DUSP19: variants seen among roughly 807,000 people sequenced by gnomAD.
DUSP19 encodes dual specificity protein phosphatase 19.
Under a neutral mutation model 16.6 loss-of-function variants are expected in DUSP19, and 14 were observed. The ratio of observed to expected loss-of-function variants is 0.84; its 90% confidence interval spans 0.56 to 1.32. The LOEUF (loss-of-function observed/expected upper bound fraction) is 1.32. Among genes scored for constraint, DUSP19 ranks in the 40% most tolerant of loss-of-function variants. The pLI is 0.00. For synonymous variants in DUSP19, 81 were observed against 90.5 expected (o/e 0.90, Z 0.59); for missense variants, 258 against 255.9 (o/e 1.01, Z -0.06).
At chr2:183,093,603 G>T (rs1024535386) in intron 3 of DUSP19, among the ~76,000 whole-genome samples, 2 of 152,058 alleles carry the variant, frequency 1.3e-5, no homozygotes, top group African/African-American at 4.8e-5. Flanking sequence ...TGATACCTAA[G>T]GAATAATCAA....
intron 2 of DUSP19, among the ~76,000 whole-genome samples, chr2:183,084,367 C>T (rs1699633412): frequency 6.6e-6 from 1 of 151,256 alleles, no homozygotes; most frequent in African/African-American, 2.4e-5. Context: ...TTCGAGGTTA[C>T]AGTGTGCTAT....
At chr2:183,088,178 T>A (rs1479270808) in intron 3 of DUSP19, among the ~76,000 whole-genome samples, 1 of 152,168 alleles carries the variant, frequency 6.6e-6, no homozygotes, top group Non-Finnish European at 1.5e-5. Context: ...TGTGTTACTG[T>A]TGCCTACAAG....
chr2:183,085,859 T>TG (rs1559128279), intron 2 of DUSP19, among the ~76,000 whole-genome samples: 3 of 116,448 alleles, frequency 2.6e-5, no homozygotes, highest in African/African-American at 6.4e-5. Flanking sequence ...TTTTTTTTTT[T>TG]TTTTTTTTTT....
At position 183,087,063 on chromosome 2, in the gene DUSP19, A is replaced by G. The variant is rs1699672016; in HGVS notation, c.297A>G (p.Ala99=). ...KNKVTHILNV[A]YGVENAFLSD... The stretch of plus-strand genomic sequence containing the variant: ...AGGTGACTCATATTCTTAATGTTGC[A>G]TATGGAGTTGAAAATGCTTTCCTCA... The change falls in exon 3 of 4, where the codon GCA becomes GCG. Residue 99 remains alanine (A), a synonymous_variant. Transcript: ENST00000354221. 1.2e-6 allele frequency: 2 copies of G among 1,612,164 alleles called. No individual in the cohort carries two copies. Among genetic ancestry groups the G allele is most frequent in the African/African-American group, 1.3e-5 (1 of 75,008 alleles).
rs1317853726 is a variant in DUSP19, at chr2:183,099,913, C to G, written c.*4255C>G. ...TTAGGAGGCTGAGGTAGGAGAATTG[C>G]TTGACCCTGGGAGGTGGAGGTGGCA... On this transcript the variant is annotated 3_prime_UTR_variant, in exon 4 of 4. Transcript: ENST00000354221. 1.3e-5 allele frequency: 2 copies of G among 151,230 alleles called. No individual in the cohort carries two copies. The highest frequency in any genetic ancestry group is 4.9e-5 in the African/African-American group (2 of 41,078). The allele number at this position is 151,230 out of a possible 1,614,324, so 9.4% of individuals were successfully genotyped here. A position where few individuals can be genotyped will look rare whatever the true frequency, so the allele number is the denominator to read the frequency against.
chr2:183,095,295 C>A (rs1699783146), intron 3 of DUSP19, 136 bp from the exon 4 acceptor site: 3 of 740,250 alleles, frequency 4.1e-6, no homozygotes, highest in African/African-American at 1.8e-5. Flanking sequence ...TTTCAATAAT[C>A]AAATAAATTG....
At chr2:183,085,113 G>A (rs1167203609) in intron 2 of DUSP19, among the ~76,000 whole-genome samples, 3 of 152,198 alleles carry the variant, frequency 2.0e-5, no homozygotes, top group Non-Finnish European at 4.4e-5. Context: ...GGGTGGATAT[G>A]TAGGGTCTGA....
At chr2:183,079,184 AT>A (rs1257807426) in intron 1 of DUSP19, 25 bp downstream of exon 1, 1 of 1,597,242 alleles carries the variant, frequency 6.3e-7, no homozygotes, top group Admixed American at 1.7e-5. Context: ...TTGCCACTAG[AT>A]CATTGAGTCC....
rs915371459 is a variant in DUSP19, at chr2:183,096,112, C to T, written c.*454C>T. On this transcript the variant is annotated 3_prime_UTR_variant, in exon 4 of 4. Coordinates refer to ENST00000354221, the MANE Select transcript of DUSP19 (RefSeq NM_080876.4). ...TCTTTTTAAGATTAAAAATGAATAC[C>T]TTAAATCTCCCAAAAGAGATAACCA... is the stretch of plus-strand genomic sequence containing the variant. 1 of 152,188 alleles carries T rather than the reference C, an allele frequency of 6.6e-6. No individual in the cohort carries two copies. Among genetic ancestry groups the T allele is most frequent in the Non-Finnish European group, 1.5e-5 (1 of 68,178 alleles). 9.4% of individuals were successfully genotyped at this position (152,188 alleles called of 1,614,324 possible). A position where few individuals can be genotyped will look rare whatever the true frequency, so the allele number is the denominator to read the frequency against.
rs1221305685 is a variant in DUSP19 at position 183,098,204 on chromosome 2, A to C, written c.*2546A>C. 6.6e-6 allele frequency: 1 copy of C among 152,076 alleles called. No homozygotes were observed. The highest frequency in any genetic ancestry group is 1.5e-5 in the Non-Finnish European group (1 of 68,008). 9.4% of individuals were successfully genotyped at this position (152,076 alleles called of 1,614,324 possible). A position where few individuals can be genotyped will look rare whatever the true frequency, so the allele number is the denominator to read the frequency against. ...CCACTACACCTGGCCTGGATTGTGT[A>C]TTATTTATGTCTGTAGTTTATATGC... On this transcript the variant is annotated 3_prime_UTR_variant, in exon 4 of 4. Coordinates refer to ENST00000354221, the MANE Select transcript of DUSP19 (RefSeq NM_080876.4).
rs1201105419 is a variant in DUSP19 at position 183,088,372 on chromosome 2, GT to G, written c.426+1188del. On this transcript the variant is annotated intron_variant, in intron 3 of 3. Transcript: ENST00000354221. ...TATTTGGATGGAAGCAAAGGAAGAG[GT>G]TTTTTTTGTTTTTTGTTTTTTGTGT... Among the ~76,000 whole-genome samples the G allele has an allele frequency of 8.3e-3, 1,220 of 146,198 alleles. 18 individuals are homozygous for G. Among genetic ancestry groups the G allele is most frequent in the African/African-American group, 0.029 (1,138 of 39,754 alleles).
At chr2:183,083,737 T>C (rs545599691) in intron 2 of DUSP19, among the ~76,000 whole-genome samples, 183 bp downstream of exon 2, 15 of 152,304 alleles carry the variant, frequency 9.8e-5, no homozygotes, top group African/African-American at 3.6e-4. Flanking sequence ...CTGTAATCTG[T>C]CTTTCCAGTT....
At chr2:183,088,373 T>C (rs75393963) in intron 3 of DUSP19, among the ~76,000 whole-genome samples, 2,692 of 148,928 alleles carry the variant, frequency 0.018, 30 homozygotes, top group Non-Finnish European at 0.028. Flanking sequence ...AAGGAAGAGG[T>C]TTTTTTTGTT....
chr2:183,085,838 G>C (rs1021840626), intron 2 of DUSP19, among the ~76,000 whole-genome samples: 3 of 132,846 alleles, frequency 2.3e-5, no homozygotes, highest in African/African-American at 8.0e-5. Flanking sequence ...ATGTGGACAA[G>C]GTTGTTAGGT....
intron 1 of DUSP19, among the ~76,000 whole-genome samples, chr2:183,081,916 C>T (rs1699596752): frequency 6.6e-6 from 1 of 151,964 alleles, no homozygotes; most frequent in African/African-American, 2.4e-5. Context: ...TGAAATAGAA[C>T]CTAATTCAGG....
At position 183,079,127 on chromosome 2, in the gene DUSP19, A is replaced by G; in HGVS notation, c.194A>G (p.Gln65Arg). 2.5e-6 allele frequency: 4 copies of G among 1,613,994 alleles called. No individual in the cohort carries two copies. Among genetic ancestry groups the G allele is most frequent in the Non-Finnish European group, 2.5e-6 (3 of 1,179,960 alleles). The change falls in exon 1 of 4, where the codon CAA becomes CGA. Residue 65 changes from glutamine to arginine, a missense_variant. Transcript: ENST00000354221. Reference sequence around the variant, plus strand: ...GTGCAGGACCTTAGCTCGGACCTGCAAGTTGGCGTTATTAAGCCATGGTTG... The same window carrying G: ...GTGCAGGACCTTAGCTCGGACCTGCGAGTTGGCGTTATTAAGCCATGGTTG... ...GYVQDLSSDL[Q>R]VGVIKPWLLL...
chr2:183,083,509 G>A lies in DUSP19; in HGVS notation c.228G>A (p.Gly76=), dbSNP rs1179738826. The stretch of plus-strand genomic sequence containing the variant: ...GGTGGTATCATTTATTTCTTCTAGG[G>A]TCACAAGATGCTGCTCATGATTTGG... ...VGVIKPWLLL[G]SQDAAHDLDT... is the part of the protein sequence containing the mutation. The change falls in exon 2 of 4, where the codon GGG becomes GGA. Residue 76 remains glycine, a splice_region_variant and synonymous_variant. Coordinates refer to ENST00000354221, the MANE Select transcript of DUSP19 (RefSeq NM_080876.4). The A allele has an allele frequency of 1.9e-6, 3 of 1,609,532 alleles. No homozygotes were observed. In the African/African-American group the frequency reaches 4.0e-5, roughly 22 times the overall value.
Position 183,095,428 on chromosome 2 carries a change from T to G in DUSP19, c.427-3T>G, listed in dbSNP as rs775622751. On this transcript the variant is annotated splice_polypyrimidine_tract_variant and splice_region_variant and intron_variant, in intron 3 of 3. Coordinates refer to ENST00000354221, the MANE Select transcript of DUSP19 (RefSeq NM_080876.4). ...AGATTTTTGTTTGTTTTTTTTTTTG[T>G]AGGATGGAGTGGTTCTTGTTCATTG... 12 of 1,564,764 alleles carry G rather than the reference T, an allele frequency of 7.7e-6. No individual in the cohort carries two copies. The highest frequency in any genetic ancestry group is 8.6e-6 in the Non-Finnish European group (10 of 1,158,256).
At chr2:183,084,104 G>A (rs922364755) in intron 2 of DUSP19, among the ~76,000 whole-genome samples, 1 of 152,222 alleles carries the variant, frequency 6.6e-6, no homozygotes, top group African/African-American at 2.4e-5. Context: ...ACAGAGAAGA[G>A]AGACAAGCAG....
Sources: gnomAD v4.1 joint callset for allele counts (sites outside exome capture counted in the v4.1 genomes callset) on GRCh38, gnomAD v4.1.1 for gene constraint, MANE v1.5 for transcripts, NCBI Gene and HGNC (gene_info 2026-07-23, HGNC 2026-07-21) for gene names.